The following KMT5C variants were observed in gnomAD, a reference collection of about 807,000 sequenced individuals.
KMT5C encodes histone-lysine N-methyltransferase KMT5C.
KMT5C carries 16 observed loss-of-function variants against 38.2 expected under a neutral mutation model. The observed-to-expected ratio is 0.42, with a 90% CI of 0.28 to 0.64. KMT5C has a LOEUF of 0.64. Ranked by LOEUF, KMT5C falls within the 30% of genes least tolerant of loss-of-function variation. The pLI is 0.23. For missense variants in KMT5C, 598 were observed against 665.1 expected (o/e 0.90, Z 1.11); for synonymous variants, 291 against 279.0 (o/e 1.04, Z -0.43).
chr19:55,347,483 G>A lies in KMT5C; in HGVS notation c.*34G>A, dbSNP rs2089636260. 2.7e-6 allele frequency: 4 copies of A among 1,508,216 alleles called. No homozygotes were observed. The South Asian group carries it at 4.0e-5, about 15-fold the overall frequency. 93.4% of individuals were successfully genotyped at this position (1,508,216 alleles called of 1,614,324 possible). A position where few individuals can be genotyped will look rare whatever the true frequency, so the allele number is the denominator to read the frequency against. On this transcript the variant is annotated 3_prime_UTR_variant, in exon 9 of 9. Transcript: ENST00000255613. This position sits in a 1 kb window ranked among gnomAD's most constrained non-coding sequence, Gnocchi z 4.6. ...ACGGGGAGGCCCAGCAGGGAGAGAG[G>A]GTCTCTCTCCTAGCTGCTACCCAGG...
At chr19:55,346,863 G>A (rs2089625254) in intron 8 of KMT5C, 93 bp from the exon 9 acceptor site, 3 of 780,116 alleles carry the variant, frequency 3.8e-6, no homozygotes, top group Non-Finnish European at 6.4e-6. Context: ...CGCAGGGCAG[G>A]GCTGCCTCCT....
chr19:55,346,464 C>T, intron 7 of KMT5C, 36 bp from the exon 8 acceptor site: 2 of 1,593,892 alleles, frequency 1.3e-6, no homozygotes, highest in East Asian at 2.3e-5. Flanking sequence ...ATCTCCCTTC[C>T]ACCCGGCCTC....
At position 55,342,804 on chromosome 19, in the gene KMT5C, C is replaced by G. The variant is rs1270746299; in HGVS notation, c.339C>G (p.Arg113=). ...ESGFTILPCT[R]YSMETNGAKI... is the part of the protein sequence containing the mutation. Reference sequence around the variant, plus strand: ...GCTTTACCATCCTGCCCTGCACGCGCTACTCCATGGAGACCAACGGGGCCA... The same window carrying G: ...GCTTTACCATCCTGCCCTGCACGCGGTACTCCATGGAGACCAACGGGGCCA... Residue 113 remains arginine (R), a synonymous_variant, in exon 4 of 9, where the codon CGC becomes CGG. Coordinates refer to ENST00000255613, the MANE Select transcript of KMT5C (RefSeq NM_032701.4). 1 of 1,613,620 alleles carries G rather than the reference C, an allele frequency of 6.2e-7. No individual in the cohort carries two copies. Among genetic ancestry groups the G allele is most frequent in the Non-Finnish European group, 8.5e-7 (1 of 1,179,548 alleles).
intron 3 of KMT5C, 63 bp downstream of exon 3, chr19:55,342,443 C>T: frequency 7.6e-7 from 1 of 1,310,764 alleles, no homozygotes. Context: ...GGGCCTGGTC[C>T]CGCCTGGCAG....
Position 55,346,538 on chromosome 19 carries a change from C to G in KMT5C, c.746C>G (p.Pro249Arg). 1.6e-5 allele frequency: 25 copies of G among 1,597,100 alleles called. No homozygotes were observed. The highest frequency in any genetic ancestry group is 2.0e-5 in the Non-Finnish European group (24 of 1,172,436). The change falls in exon 8 of 9, where the codon CCC (proline) becomes CGC (arginine). Residue 249 changes from proline to arginine, a missense_variant. Pro to Arg is a moderately radical substitution (Grantham distance 103, BLOSUM62 -2). Transcript: ENST00000255613. ...GCTTTCCGAACCAGGCCTAGGGAGC[C>G]CGCGTTGCCACCACGGCCCCTGGAC... ...EGAFRTRPRE[P>R]ALPPRPLDKY...
chr19:55,342,309 AC>A lies in KMT5C; in HGVS notation c.206del (p.Thr69SerfsTer85). ...RDLEAAYRAL[T>X]LGGWTARYFQ... The stretch of plus-strand genomic sequence containing the variant: ...CCTGGAGGCTGCGTACCGGGCCCTG[AC>A]GCTGGGAGGCTGGACGGCCCGCTAC... On this transcript the variant is annotated frameshift_variant, in exon 3 of 9. Coordinates refer to ENST00000255613, the MANE Select transcript of KMT5C (RefSeq NM_032701.4). LOFTEE classifies it high-confidence loss of function. The A allele has an allele frequency of 6.3e-7, 1 of 1,585,726 alleles. No homozygotes were observed. Among genetic ancestry groups the A allele is most frequent in the Non-Finnish European group, 8.6e-7 (1 of 1,167,796 alleles).
chr19:55,347,459 C>T lies in KMT5C; in HGVS notation c.*10C>T, dbSNP rs774640846. On this transcript the variant is annotated 3_prime_UTR_variant, in exon 9 of 9. Transcript: ENST00000255613. The surrounding 1 kb of genome is among the most constrained non-coding windows in gnomAD (Gnocchi z 4.6). ...CGGTGAAGAGCTGTGACAGGCCGGA[C>T]GGGGAGGCCCAGCAGGGAGAGAGGG... 9.9e-6 allele frequency: 15 copies of T among 1,519,734 alleles called. No homozygotes were observed. The highest frequency in any genetic ancestry group is 6.4e-5 in the South Asian group (5 of 78,020). 94.1% of individuals were successfully genotyped at this position (1,519,734 alleles called of 1,614,324 possible).
At chr19:55,341,240 C>T (rs2089553275) in intron 1 of KMT5C, among the ~76,000 whole-genome samples, 1 of 152,202 alleles carries the variant, frequency 6.6e-6, no homozygotes, top group African/African-American at 2.4e-5. Context: ...GAGCCCCCCT[C>T]CCCTGGAATC....
rs1212651558 is a variant in KMT5C, at chr19:55,346,895, A to G, written c.896-61A>G. On this transcript the variant is annotated intron_variant, in intron 8 of 8. Coordinates refer to ENST00000255613, the MANE Select transcript of KMT5C (RefSeq NM_032701.4). Reference sequence around the variant, plus strand: ...TCCTTGTCCAGAGGAGGACCGGCCCAGCTTGCACTGACTTCACCTCTCCTT... The same window carrying G: ...TCCTTGTCCAGAGGAGGACCGGCCCGGCTTGCACTGACTTCACCTCTCCTT... The G allele has an allele frequency of 4.0e-6, 3 of 759,026 alleles. No homozygotes were observed. The Admixed American group carries it at 6.1e-5, about 15-fold the overall frequency. 47.0% of individuals were successfully genotyped at this position (759,026 alleles called of 1,614,324 possible).
In KMT5C at chr19:55,345,286, G is replaced by T. The variant is rs1358628447; in HGVS notation, c.571-927G>T. The T allele has an allele frequency of 2.0e-5, 7 of 353,164 alleles. No homozygotes were observed. The East Asian group carries it at 5.2e-4, about 26-fold the overall frequency. 21.9% of individuals were successfully genotyped at this position (353,164 alleles called of 1,614,324 possible). Reference sequence around the variant, plus strand: ...CACCAGAGGGCTGGGGGTGCCCAGCGACGGCTTTGATCCGGCAGCAAGGCC... The same window carrying T: ...CACCAGAGGGCTGGGGGTGCCCAGCTACGGCTTTGATCCGGCAGCAAGGCC... On this transcript the variant is annotated intron_variant, in intron 6 of 8. Transcript: ENST00000255613.
rs745471598 is a variant in KMT5C at position 55,347,054 on chromosome 19, C to T, written c.994C>T (p.Pro332Ser). Residue 332 changes from proline (P) to serine (S), a missense_variant, in exon 9 of 9, where the codon CCC becomes TCC. Physicochemically the swap from Pro to Ser is moderately conservative, Grantham distance 74. Around this residue, in one of 3 missense-constraint regions of KMT5C, gnomAD observed 326 missense variants for 298.1 expected, o/e 1.09. Coordinates refer to ENST00000255613, the MANE Select transcript of KMT5C (RefSeq NM_032701.4). The surrounding 1 kb of genome is among the most constrained non-coding windows in gnomAD (Gnocchi z 4.6). ...GCCTCAGCCCCAGCCCCGAGTGCGG[C>T]CCCGGAAGCGCCGACGCCCCCGGCC... ...WLPQPQPRVR[P>S]RKRRRPRPRR... is the part of the protein sequence containing the mutation. 5.7e-6 allele frequency: 9 copies of T among 1,568,912 alleles called. No homozygotes were observed. Among genetic ancestry groups the T allele is most frequent in the Non-Finnish European group, 7.8e-6 (9 of 1,156,638 alleles).
In KMT5C at chr19:55,343,882, G is replaced by C; in HGVS notation, c.550+39G>C. ...AGGTGGATGGGCAGGACGGGATAGA[G>C]CCAGGCAGGGCTGGAGGGGTGTAGT... On this transcript the variant is annotated intron_variant, in intron 5 of 8. Coordinates refer to ENST00000255613, the MANE Select transcript of KMT5C (RefSeq NM_032701.4). This position sits in a 1 kb window ranked among gnomAD's most constrained non-coding sequence, Gnocchi z 5.5. 6.2e-7 allele frequency: 1 copy of C among 1,609,650 alleles called. No homozygotes were observed. Among genetic ancestry groups the C allele is most frequent in the Non-Finnish European group, 8.5e-7 (1 of 1,176,474 alleles).
Position 55,343,633 on chromosome 19 carries a change from A to C in KMT5C, c.387-47A>C. On this transcript the variant is annotated intron_variant, in intron 4 of 8. Coordinates refer to ENST00000255613, the MANE Select transcript of KMT5C (RefSeq NM_032701.4). This position sits in a 1 kb window ranked among gnomAD's most constrained non-coding sequence, Gnocchi z 5.5. The stretch of plus-strand genomic sequence containing the variant: ...AGGCCCGAGTCCCCTGAACACCTGC[A>C]GGAGGCCAGGCATCGCCCACAGCCC... 1 of 1,541,912 alleles carries C rather than the reference A, an allele frequency of 6.5e-7. No individual in the cohort carries two copies. The highest frequency in any genetic ancestry group is 8.8e-7 in the Non-Finnish European group (1 of 1,141,100).
chr19:55,345,850 G>C (rs568108157), intron 6 of KMT5C, among the ~76,000 whole-genome samples: 66 of 152,326 alleles, frequency 4.3e-4, no homozygotes, highest in Admixed American at 3.4e-3. Flanking sequence ...AGTCTGGCGG[G>C]GGGCAGGCAG....
chr19:55,346,633 C>T lies in KMT5C; in HGVS notation c.841C>T (p.Leu281=), dbSNP rs865791602. The T allele has an allele frequency of 1.3e-6, 2 of 1,573,144 alleles. No individual in the cohort carries two copies. The highest frequency in any genetic ancestry group is 1.7e-4 in the Middle Eastern group (1 of 5,954). ...GLDSGSRQGL[L]GPRACVHPSP... is the part of the protein sequence containing the mutation. Reference sequence around the variant, plus strand: ...GGACAGTGGCAGCCGACAGGGCCTGCTGGGCCCTCGGGCCTGCGTGCACCC... The same window carrying T: ...GGACAGTGGCAGCCGACAGGGCCTGTTGGGCCCTCGGGCCTGCGTGCACCC... Residue 281 remains leucine (L), a synonymous_variant, in exon 8 of 9, where the codon CTG becomes TTG. Transcript: ENST00000255613.
At chr19:55,340,787 T>G (rs2089547712) in intron 1 of KMT5C, among the ~76,000 whole-genome samples, 1 of 128,320 alleles carries the variant, frequency 7.8e-6, no homozygotes, top group Non-Finnish European at 1.7e-5. Flanking sequence ...CCCCCATCCC[T>G]TCCTCACACC....
intron 6 of KMT5C, chr19:55,345,248 G>A: frequency 2.8e-6 from 1 of 362,870 alleles, no homozygotes; most frequent in Non-Finnish European, 5.5e-6. Flanking sequence ...GGGGCGTCTA[G>A]CAGGACACGG....
At position 55,347,533 on chromosome 19, in the gene KMT5C, T is replaced by A; in HGVS notation, c.*84T>A. 1 of 1,459,102 alleles carries A rather than the reference T, an allele frequency of 6.9e-7. No individual in the cohort carries two copies. The allele number at this position is 1,459,102 out of a possible 1,614,324, so 90.4% of individuals were successfully genotyped here. A position where few individuals can be genotyped will look rare whatever the true frequency, so the allele number is the denominator to read the frequency against. ...GACCTCCAGAAGGAGCCCTTGGACC[T>A]CTGGGAGGGAGCTGACCCTTGACTC... On this transcript the variant is annotated 3_prime_UTR_variant, in exon 9 of 9. Transcript: ENST00000255613. The surrounding 1 kb of genome is among the most constrained non-coding windows in gnomAD (Gnocchi z 4.6).
At chr19:55,340,517 C>T (rs538319389) in intron 1 of KMT5C, among the ~76,000 whole-genome samples, 2 of 152,030 alleles carry the variant, frequency 1.3e-5, no homozygotes, top group South Asian at 4.2e-4. Context: ...CCTCCAGGTC[C>T]CTTGCCCTGG....
Sources: allele counts gnomAD v4.1 joint callset (sites outside exome capture counted in the v4.1 genomes callset), GRCh38; gene constraint gnomAD v4.1.1; regional missense constraint gnomAD v4.1.1; non-coding constraint Gnocchi (gnomAD v3.1); transcripts MANE v1.5; gene names NCBI Gene and HGNC (gene_info 2026-07-23, HGNC 2026-07-21).